TAFA1: variants seen among roughly 807,000 people sequenced by gnomAD.
TAFA1 encodes chemokine-like protein TAFA-1.
A neutral mutation model predicts 18.5 loss-of-function variants in TAFA1; 4 were observed. The ratio of observed to expected loss-of-function variants is 0.22; its 90% confidence interval spans 0.11 to 0.49. The LOEUF is 0.49. Among genes scored for constraint, TAFA1 ranks in the 20% least tolerant of loss-of-function variants. TAFA1 has a pLI of 0.98. For synonymous variants in TAFA1, 56 were observed against 55.2 expected, an observed-to-expected ratio of 1.01 and a Z score of -0.06; for missense variants, 147 against 169.0, an observed-to-expected ratio of 0.87 and a Z score of 0.72.
chr3:68,267,031 C>G (rs1407715933), intron 2 of TAFA1, among the ~76,000 whole-genome samples: 1 of 152,074 alleles, frequency 6.6e-6, no homozygotes, highest in Non-Finnish European at 1.5e-5. Context: ...CATTGATTGA[C>G]TTCCTGCATG....
At chr3:68,043,044 T>C (rs189464042) in intron 2 of TAFA1, among the ~76,000 whole-genome samples, 1 of 152,084 alleles carries the variant, frequency 6.6e-6, no homozygotes, top group East Asian at 1.9e-4. Context: ...GCCACCATGC[T>C]CGGCTAATTT....
At chr3:68,387,174 G>A (rs1276799194) in intron 2 of TAFA1, among the ~76,000 whole-genome samples, 1 of 151,828 alleles carries the variant, frequency 6.6e-6, no homozygotes, top group Non-Finnish European at 1.5e-5. Context: ...TGTCTTTGTT[G>A]TTGGCTGAAA....
Position 68,393,610 on chromosome 3 carries a change from C to G in TAFA1, c.119-23670C>G, listed in dbSNP as rs377117478. On this transcript the variant is annotated intron_variant, in intron 2 of 4. Transcript: ENST00000478136. ...CCTGTTGAACATCAATGCAAAAATC[C>G]TCTATAATATACTGACAGACCGAAT... Among the ~76,000 whole-genome samples, 38 of 152,230 alleles carry G rather than the reference C, an allele frequency of 2.5e-4. No individual in the cohort carries two copies. The East Asian group carries it at 3.5e-3, about 14-fold the overall frequency.
chr3:68,204,273 G>T (rs1167777766), intron 2 of TAFA1, among the ~76,000 whole-genome samples: 1 of 151,808 alleles, frequency 6.6e-6, no homozygotes, highest in African/African-American at 2.4e-5. Flanking sequence ...CATGAATCCA[G>T]AAGTTCCTTT....
intron 2 of TAFA1, among the ~76,000 whole-genome samples, chr3:68,045,927 A>G (rs1363350010): frequency 6.6e-6 from 1 of 152,228 alleles, no homozygotes; most frequent in Non-Finnish European, 1.5e-5. Context: ...AATCTGAAGT[A>G]GCATTCTAGT....
chr3:68,012,750 G>A (rs548134650), intron 2 of TAFA1, among the ~76,000 whole-genome samples: 2 of 152,196 alleles, frequency 1.3e-5, no homozygotes, highest in South Asian at 2.1e-4. Context: ...ACCAAACCAC[G>A]TTTCCAGTTT....
chr3:68,450,001 G>A (rs2071543199), intron 3 of TAFA1, among the ~76,000 whole-genome samples: 1 of 152,200 alleles, frequency 6.6e-6, no homozygotes, highest in Admixed American at 6.5e-5. Flanking sequence ...CAGGCTGCCA[G>A]ACTCATGGAA....
intron 3 of TAFA1, among the ~76,000 whole-genome samples, chr3:68,429,225 C>T (rs1045532621): frequency 2.6e-5 from 4 of 151,910 alleles, no homozygotes; most frequent in Non-Finnish European, 5.9e-5. Flanking sequence ...ATCTTCTCAA[C>T]TAAATGGAAC....
chr3:68,031,408 A>C (rs115283025), intron 2 of TAFA1, among the ~76,000 whole-genome samples: 8 of 152,346 alleles, frequency 5.3e-5, no homozygotes, highest in African/African-American at 1.9e-4. Flanking sequence ...AAGATGAATC[A>C]AAGGATACTT....
At chr3:68,171,783 A>G (rs919242194) in intron 2 of TAFA1, among the ~76,000 whole-genome samples, 3 of 152,218 alleles carry the variant, frequency 2.0e-5, no homozygotes, top group African/African-American at 4.8e-5. Flanking sequence ...CTAGAGTTGA[A>G]AATTACAAAA....
At chr3:68,032,730 G>T (rs576270226) in intron 2 of TAFA1, among the ~76,000 whole-genome samples, 1 of 151,956 alleles carries the variant, frequency 6.6e-6, no homozygotes, top group African/African-American at 2.4e-5. Context: ...ACCTCAAGCC[G>T]TTTCTTGTAC....
intron 2 of TAFA1, among the ~76,000 whole-genome samples, chr3:68,195,947 C>T (rs1351125322): frequency 6.6e-6 from 1 of 151,670 alleles, no homozygotes; most frequent in East Asian, 1.9e-4. Flanking sequence ...ACCCATGTCA[C>T]TTATAATGTA....
At chr3:68,538,562 C>T (rs1175837232) in intron 3 of TAFA1, among the ~76,000 whole-genome samples, 194 bp from the exon 4 acceptor site, 1 of 152,152 alleles carries the variant, frequency 6.6e-6, no homozygotes, top group Non-Finnish European at 1.5e-5. Flanking sequence ...AACCAGTCCA[C>T]ATAATTATAT....
intron 2 of TAFA1, among the ~76,000 whole-genome samples, chr3:68,292,630 G>T (rs1377555235): frequency 6.6e-6 from 1 of 152,120 alleles, no homozygotes; most frequent in Non-Finnish European, 1.5e-5. Context: ...GGGCTCAAGT[G>T]ATCCTCCTGC....
At chr3:68,343,331 G>C (rs1056298163) in intron 2 of TAFA1, among the ~76,000 whole-genome samples, 13 of 152,062 alleles carry the variant, frequency 8.5e-5, no homozygotes, top group African/African-American at 3.1e-4. Flanking sequence ...GAATTTCTGG[G>C]GATAGGACCG....
At chr3:68,206,014 A>C (rs1374589527) in intron 2 of TAFA1, among the ~76,000 whole-genome samples, 1 of 151,894 alleles carries the variant, frequency 6.6e-6, no homozygotes, top group East Asian at 1.9e-4. Flanking sequence ...AAATTCCTTT[A>C]TCGTTCCATG....
At chr3:68,229,441 TG>T (rs1391065367) in intron 2 of TAFA1, among the ~76,000 whole-genome samples, 1 of 152,218 alleles carries the variant, frequency 6.6e-6, no homozygotes, top group African/African-American at 2.4e-5. Flanking sequence ...TTCACTGGTT[TG>T]TGGTTGAGAT....
At chr3:68,111,356 A>T (rs1485822834) in intron 2 of TAFA1, among the ~76,000 whole-genome samples, 3 of 152,116 alleles carry the variant, frequency 2.0e-5, no homozygotes, top group African/African-American at 7.2e-5. Flanking sequence ...TAACCTTCAA[A>T]AAGGAGGGCA....
intron 2 of TAFA1, among the ~76,000 whole-genome samples, chr3:68,275,609 T>C (rs1255198561): frequency 6.6e-6 from 1 of 151,062 alleles, no homozygotes; most frequent in Non-Finnish European, 1.5e-5. Context: ...AAAAATGGGA[T>C]AGAGCAAGTT....
Sources: gnomAD v4.1 joint callset for allele counts (sites outside exome capture counted in the v4.1 genomes callset) on GRCh38, gnomAD v4.1.1 for gene constraint, MANE v1.5 for transcripts, NCBI Gene and HGNC (gene_info 2026-07-23, HGNC 2026-07-21) for gene names.